Variants in BMP6 observed in about 807,000 individuals in gnomAD.
BMP6 encodes bone morphogenetic protein 6.
In BMP6, 17 loss-of-function variants were observed where a neutral mutation model predicts 54.1. The ratio of observed to expected loss-of-function variants is 0.31; its 90% CI spans 0.22 to 0.47. The LOEUF is 0.47. BMP6 is among the 20% of genes least tolerant of loss of function. BMP6 has a pLI of 1.00. For missense variants in BMP6, 720 were observed against 690.4 expected (o/e 1.04, Z -0.48); for synonymous variants, 328 against 291.2 (o/e 1.13, Z -1.28).
At chr6:7,832,432 A>G (rs1758807341) in intron 1 of BMP6, among the ~76,000 whole-genome samples, 1 of 152,126 alleles carries the variant, frequency 6.6e-6, no homozygotes, top group African/African-American at 2.4e-5. Flanking sequence ...ACAGCCATCT[A>G]TGAACCAGGG....
At chr6:7,812,373 C>CA (rs1561779709) in intron 1 of BMP6, among the ~76,000 whole-genome samples, 1 of 152,246 alleles carries the variant, frequency 6.6e-6, no homozygotes, top group East Asian at 1.9e-4. Context: ...CTGAAATTTA[C>CA]AAGATTAAAC....
chr6:7,829,945 C>G (rs1758769023), intron 1 of BMP6, among the ~76,000 whole-genome samples: 1 of 152,158 alleles, frequency 6.6e-6, no homozygotes. Context: ...TATGGCCACT[C>G]TGTAGAAGCT....
chr6:7,843,708 A>G (rs555759308), intron 1 of BMP6, among the ~76,000 whole-genome samples: 1 of 152,210 alleles, frequency 6.6e-6, no homozygotes, highest in East Asian at 1.9e-4. Context: ...ATGGTGGGAA[A>G]CAGAGCACTC....
chr6:7,799,759 A>G (rs986046211), intron 1 of BMP6, among the ~76,000 whole-genome samples: 1 of 151,424 alleles, frequency 6.6e-6, no homozygotes, highest in Non-Finnish European at 1.5e-5. Flanking sequence ...AAAAAAAGAT[A>G]ATGTCTCTGG....
intron 1 of BMP6, among the ~76,000 whole-genome samples, chr6:7,772,874 T>C (rs1757811212): frequency 1.3e-5 from 2 of 152,238 alleles, no homozygotes. Flanking sequence ...GCTATTTTAC[T>C]GAACATTTGA....
chr6:7,800,242 TTA>T (rs1177338622), intron 1 of BMP6, among the ~76,000 whole-genome samples: 1 of 152,170 alleles, frequency 6.6e-6, no homozygotes, highest in Non-Finnish European at 1.5e-5. Flanking sequence ...GGGATAATCC[TTA>T]TCTTTGCTAC....
In BMP6 at chr6:7,726,106, C is replaced by T. The variant is rs920465196; in HGVS notation, c.-850C>T. 6.6e-6 allele frequency among the ~76,000 whole-genome samples: 1 copy of T among 152,244 alleles called. No homozygotes were observed. Among genetic ancestry groups the T allele is most frequent in the African/African-American group, 2.4e-5 (1 of 41,464 alleles). ...CTGAGCCGGGCGCGCAGCAGAAAGC[C>T]CACGTTGGCCGCTGCGGGGAGCGCG... is the stretch of plus-strand genomic sequence containing the variant. On this transcript the variant is annotated 5_prime_UTR_variant, in exon 1 of 7. Coordinates refer to ENST00000283147, the MANE Select transcript of BMP6 (RefSeq NM_001718.6).
chr6:7,818,555 T>G (rs1369596972), intron 1 of BMP6, among the ~76,000 whole-genome samples: 1 of 152,246 alleles, frequency 6.6e-6, no homozygotes, highest in Non-Finnish European at 1.5e-5. Context: ...TAGAGTGGCC[T>G]GGCACTTTTA....
chr6:7,830,875 G>C (rs1203088940), intron 1 of BMP6, among the ~76,000 whole-genome samples: 2 of 152,202 alleles, frequency 1.3e-5, no homozygotes, highest in Non-Finnish European at 2.9e-5. Flanking sequence ...GATTATGGGA[G>C]CTACAGTTCA....
At chr6:7,879,024 G>GTTGATGGGTGGATCTT (rs1554126921) in intron 4 of BMP6, 50 bp from the exon 5 acceptor site, 2 of 1,552,806 alleles carry the variant, frequency 1.3e-6, no homozygotes, top group African/African-American at 2.7e-5. Flanking sequence ...GAATTAATGA[G>GTTGATGGGTGGATCTT]TTGATGGGTG....
At chr6:7,863,290 G>A (rs774189857) in intron 4 of BMP6, among the ~76,000 whole-genome samples, 3 of 152,184 alleles carry the variant, frequency 2.0e-5, no homozygotes, top group Non-Finnish European at 4.4e-5. Flanking sequence ...GAGCCACTGC[G>A]CCTGGCCAGG....
At chr6:7,827,583 A>G (rs1252846592) in intron 1 of BMP6, among the ~76,000 whole-genome samples, 5 of 152,188 alleles carry the variant, frequency 3.3e-5, no homozygotes, top group Non-Finnish European at 7.3e-5. Flanking sequence ...TAAAATGACA[A>G]GGCCGTGTTA....
At chr6:7,850,508 A>G (rs1759125918) in intron 2 of BMP6, among the ~76,000 whole-genome samples, 1 of 152,224 alleles carries the variant, frequency 6.6e-6, no homozygotes, top group African/African-American at 2.4e-5. Context: ...GTCTCCAGGA[A>G]CAATCCCAGA....
chr6:7,858,164 C>A (rs1399628254), intron 2 of BMP6, among the ~76,000 whole-genome samples: 1 of 152,182 alleles, frequency 6.6e-6, no homozygotes, highest in Non-Finnish European at 1.5e-5. Flanking sequence ...CTCACTGCAG[C>A]CTCCACTTCC....
chr6:7,843,204 C>A (rs1759004364), intron 1 of BMP6, among the ~76,000 whole-genome samples: 1 of 151,836 alleles, frequency 6.6e-6, no homozygotes, highest in South Asian at 2.1e-4. Context: ...TCTGGTTGGA[C>A]TTCTTCTTGC....
intron 4 of BMP6, among the ~76,000 whole-genome samples, chr6:7,869,030 A>G (rs1379328837): frequency 3.3e-5 from 5 of 152,158 alleles, no homozygotes; most frequent in Admixed American, 6.5e-5. Context: ...AGGCAGGGTC[A>G]CTGGGACCCA....
rs1027968363 is a variant in BMP6, at chr6:7,850,154, C to T, written c.857+4822C>T. 4.6e-4 allele frequency among the ~76,000 whole-genome samples: 70 copies of T among 151,902 alleles called. 1 individual carries two copies. Among genetic ancestry groups the T allele is most frequent in the African/African-American group, 1.4e-3 (60 of 41,436 alleles). The stretch of plus-strand genomic sequence containing the variant: ...TGTTTTTGTTTTTTGTTTGTTTGTT[C>T]GTTTTTGAGGCAGAGTCTCGCTCTG... On this transcript the variant is annotated intron_variant, in intron 2 of 6. Coordinates refer to ENST00000283147, the MANE Select transcript of BMP6 (RefSeq NM_001718.6).
At chr6:7,878,333 C>T (rs267170) in intron 4 of BMP6, among the ~76,000 whole-genome samples, 55,132 of 152,060 alleles carry the variant, frequency 0.36, 10,768 homozygotes, top group East Asian at 0.62. Flanking sequence ...ACGTAAGAGT[C>T]GCTCCAGTGG....
At chr6:7,740,701 A>G (rs1441438128) in intron 1 of BMP6, among the ~76,000 whole-genome samples, 1 of 152,014 alleles carries the variant, frequency 6.6e-6, no homozygotes, top group Non-Finnish European at 1.5e-5. Flanking sequence ...GAGGTTTGGG[A>G]ACCACAGTGC....
Sources: gnomAD v4.1 joint callset for allele counts (sites outside exome capture counted in the v4.1 genomes callset) on GRCh38, gnomAD v4.1.1 for gene constraint, MANE v1.5 for transcripts, NCBI Gene and HGNC (gene_info 2026-07-23, HGNC 2026-07-21) for gene names.